Variants in MAST2 observed in about 807,000 individuals in gnomAD.
MAST2 encodes microtubule-associated serine/threonine-protein kinase 2.
In MAST2, 70 loss-of-function variants were observed where a neutral mutation model predicts 147.4. That is an observed-to-expected ratio of 0.47 (90% confidence interval 0.39 to 0.58). The LOEUF (loss-of-function observed/expected upper bound fraction) is 0.58, where lower values mean the gene tolerates loss of function less well. MAST2 is among the 20% of genes least tolerant of loss of function. The probability of loss-of-function intolerance (pLI) is 0.00; values close to 1 mark genes in which losing one functional copy is unlikely to be tolerated. For synonymous variants in MAST2, 869 were observed against 896.8 expected, an observed-to-expected ratio of 0.97 and a Z score of 0.55; for missense variants, 2,080 against 2,302.3, an observed-to-expected ratio of 0.90 and a Z score of 1.98.
chr1:46,030,909 G>T, intron 22 of MAST2, 98 bp from the exon 23 acceptor site: 1 of 1,497,074 alleles, frequency 6.7e-7, no homozygotes, highest in South Asian at 1.3e-5. Context: ...GTCTGCGGAG[G>T]AAAGTTCTGT....
At chr1:45,851,949 CT>C (rs563476752) in intron 3 of MAST2, among the ~76,000 whole-genome samples, 1 of 151,566 alleles carries the variant, frequency 6.6e-6, no homozygotes, top group African/African-American at 2.4e-5. Flanking sequence ...TAGGAATTTC[CT>C]TTTTTTTCAG....
intron 4 of MAST2, among the ~76,000 whole-genome samples, chr1:45,936,089 C>G (rs2148754306): frequency 6.6e-6 from 1 of 152,162 alleles, no homozygotes. Flanking sequence ...TTTTTTAATT[C>G]TTGTTGTAGA....
At chr1:45,869,825 G>A (rs1449929991) in intron 3 of MAST2, among the ~76,000 whole-genome samples, 5 of 152,180 alleles carry the variant, frequency 3.3e-5, no homozygotes, top group African/African-American at 1.2e-4. Context: ...TGCACCATTT[G>A]TTTCTCAATG....
intron 3 of MAST2, among the ~76,000 whole-genome samples, chr1:45,842,323 A>G (rs929915836): frequency 1.3e-5 from 2 of 152,240 alleles, no homozygotes; most frequent in African/African-American, 4.8e-5. Flanking sequence ...TGAAATTTAC[A>G]TAACAAAATC....
At chr1:45,891,651 T>C (rs560045143) in intron 4 of MAST2, among the ~76,000 whole-genome samples, 1 of 152,220 alleles carries the variant, frequency 6.6e-6, no homozygotes, top group South Asian at 2.1e-4. Context: ...TTTTTAACTT[T>C]TTCCAATTTT....
In MAST2 at chr1:45,804,080, GGGTTGGGATCC is replaced by G; in HGVS notation, c.177+11_177+21del. 1 of 1,281,540 alleles carries G rather than the reference GGGTTGGGATCC, an allele frequency of 7.8e-7. No homozygotes were observed. The highest frequency in any genetic ancestry group is 4.2e-5 in the Admixed American group (1 of 23,624). 79.4% of individuals were successfully genotyped at this position (1,281,540 alleles called of 1,614,324 possible). A position where few individuals can be genotyped will look rare whatever the true frequency, so the allele number is the denominator to read the frequency against. ...CCCGAGGGCAAGGAGCAGGTAGGGC[GGGTTGGGATCC>G]GGGAGGGTGAACCTGAATGGAAGCC... On this transcript the variant is annotated intron_variant, in intron 1 of 28. Transcript: ENST00000361297.
At chr1:45,986,674 G>T (rs570739179) in intron 5 of MAST2, among the ~76,000 whole-genome samples, 2 of 139,736 alleles carry the variant, frequency 1.4e-5, no homozygotes. Flanking sequence ...CCGAGATTGC[G>T]CCATTGCACT....
At chr1:45,952,146 A>T (rs1298698261) in intron 4 of MAST2, among the ~76,000 whole-genome samples, 3 of 152,266 alleles carry the variant, frequency 2.0e-5, no homozygotes, top group Non-Finnish European at 4.4e-5. Context: ...AGCAGCATCT[A>T]TGATAACCAA....
chr1:45,869,068 C>A (rs1230199957), intron 3 of MAST2, among the ~76,000 whole-genome samples: 1 of 152,192 alleles, frequency 6.6e-6, no homozygotes, highest in Non-Finnish European at 1.5e-5. Flanking sequence ...GTTGCAGCTA[C>A]ACCAGTCTTG....
In MAST2 at chr1:46,032,672, C is replaced by G. The variant is rs752471505; in HGVS notation, c.3491C>G (p.Pro1164Arg). 1.9e-6 allele frequency: 3 copies of G among 1,614,208 alleles called. No homozygotes were observed. The highest frequency in any genetic ancestry group is 3.3e-5 in the Admixed American group (2 of 60,030). ...CTCATCACCCATGTCAATGGGGAAC[C>G]TGTGCATGGCCTGGTGCACACGGAG... Reference protein sequence around the residue: ...GDLITHVNGEPVHGLVHTEVV... With the variant: ...GDLITHVNGERVHGLVHTEVV... Residue 1164 changes from proline to arginine, a missense_variant, in exon 26 of 29, where the codon CCT (proline) becomes CGT (arginine). Pro to Arg is a moderately radical substitution (Grantham distance 103). Around this residue, in one of 4 missense-constraint regions of MAST2, gnomAD observed 1,278 missense variants for 1,304.2 expected, o/e 0.98. Coordinates refer to ENST00000361297, the MANE Select transcript of MAST2 (RefSeq NM_015112.3).
intron 3 of MAST2, among the ~76,000 whole-genome samples, chr1:45,869,822 T>C (rs555593033): frequency 6.6e-6 from 1 of 152,364 alleles, no homozygotes; most frequent in South Asian, 2.1e-4. Context: ...GTTTGCACCA[T>C]TTGTTTCTCA....
At chr1:45,810,191 GT>G (rs937977727) in intron 1 of MAST2, among the ~76,000 whole-genome samples, 1 of 152,174 alleles carries the variant, frequency 6.6e-6, no homozygotes, top group African/African-American at 2.4e-5. Context: ...AGTAATAATG[GT>G]TATATGATAG....
intron 3 of MAST2, among the ~76,000 whole-genome samples, chr1:45,858,513 G>A (rs1414388063): frequency 6.6e-6 from 1 of 150,904 alleles, no homozygotes; most frequent in African/African-American, 2.4e-5. Context: ...CTGGATATTA[G>A]CCCTTCGTCA....
chr1:45,948,688 C>A (rs558754557), intron 4 of MAST2, among the ~76,000 whole-genome samples: 1 of 103,838 alleles, frequency 9.6e-6, no homozygotes, highest in Admixed American at 1.6e-4. Flanking sequence ...GCCTGGGCGA[C>A]AGAGTGAGAC....
At chr1:45,986,369 G>A (rs1005878037) in intron 5 of MAST2, among the ~76,000 whole-genome samples, 2 of 152,126 alleles carry the variant, frequency 1.3e-5, no homozygotes, top group Non-Finnish European at 2.9e-5. Context: ...GAATTCCTGA[G>A]ATAAACGTTA....
intron 5 of MAST2, among the ~76,000 whole-genome samples, chr1:45,969,175 TA>T (rs1391824911): frequency 6.6e-6 from 1 of 152,240 alleles, no homozygotes; most frequent in Non-Finnish European, 1.5e-5. Flanking sequence ...ATTCCTGTCA[TA>T]TCTGACTCTG....
chr1:45,956,340 G>A (rs544969300), intron 4 of MAST2, among the ~76,000 whole-genome samples: 2 of 152,214 alleles, frequency 1.3e-5, no homozygotes, highest in African/African-American at 4.8e-5. Context: ...GCTCCTAAAT[G>A]TTCCTCATAT....
At chr1:45,843,947 A>G (rs983750940) in intron 3 of MAST2, among the ~76,000 whole-genome samples, 8 of 152,230 alleles carry the variant, frequency 5.3e-5, no homozygotes, top group African/African-American at 1.2e-4. Flanking sequence ...TGCCTGAACA[A>G]ATTCGGAGCT....
intron 5 of MAST2, among the ~76,000 whole-genome samples, chr1:45,993,290 A>AT (rs1644919512): frequency 6.6e-6 from 1 of 152,160 alleles, no homozygotes. Flanking sequence ...CCTAAAGGAC[A>AT]TTTTTAAAAC....
Sources: gnomAD v4.1 joint callset for allele counts (sites outside exome capture counted in the v4.1 genomes callset) on GRCh38, gnomAD v4.1.1 for gene constraint, gnomAD v4.1.1 regional missense constraint, MANE v1.5 for transcripts, NCBI Gene and HGNC (gene_info 2026-07-23, HGNC 2026-07-21) for gene names.